MARK2: variants seen among roughly 807,000 people sequenced by gnomAD.
MARK2 encodes the protein serine/threonine-protein kinase MARK2.
In MARK2, 16 loss-of-function variants were observed where a neutral mutation model predicts 89.8. That is an observed-to-expected ratio of 0.18 (90% CI 0.12 to 0.27). The LOEUF (loss-of-function observed/expected upper bound fraction) is 0.27. Ranked by LOEUF, MARK2 falls within the 10% of genes least tolerant of loss-of-function variation. MARK2 has a pLI of 1.00. For synonymous variants in MARK2, 382 were observed against 399.5 expected (o/e 0.96, Z 0.52); for missense variants, 621 against 1,049.9 (o/e 0.59, Z 5.65).
At chr11:63,849,162 C>A (rs562636076) in intron 1 of MARK2, among the ~76,000 whole-genome samples, 17 of 152,288 alleles carry the variant, frequency 1.1e-4, no homozygotes, top group Admixed American at 2.6e-4. Flanking sequence ...CACACCTGGC[C>A]CCCTCAACCT....
intron 1 of MARK2, among the ~76,000 whole-genome samples, chr11:63,890,664 C>G (rs1393348398): frequency 1.3e-5 from 2 of 152,250 alleles, no homozygotes; most frequent in Non-Finnish European, 2.9e-5. Context: ...CAGCCTTCAG[C>G]TGAGCTGTAG....
chr11:63,853,391 C>CT (rs932234966), intron 1 of MARK2, among the ~76,000 whole-genome samples: 3 of 140,160 alleles, frequency 2.1e-5, no homozygotes, highest in African/African-American at 8.0e-5. Context: ...AAGAGCGAAA[C>CT]TAAAAAAAAA....
intron 1 of MARK2, chr11:63,869,155 T>C (rs1188771713): frequency 1.0e-5 from 3 of 288,884 alleles, no homozygotes; most frequent in Non-Finnish European, 2.1e-5. Context: ...TGTGGGGTGG[T>C]GGAAATAAGG....
intron 1 of MARK2, among the ~76,000 whole-genome samples, chr11:63,849,645 C>T (rs948154366): frequency 1.3e-5 from 2 of 152,134 alleles, no homozygotes; most frequent in African/African-American, 2.4e-5. Flanking sequence ...CCCAGCTACT[C>T]GGAAGGCTGA....
At chr11:63,896,868 A>G (rs969377578) in intron 3 of MARK2, among the ~76,000 whole-genome samples, 1 of 152,154 alleles carries the variant, frequency 6.6e-6, no homozygotes, top group African/African-American at 2.4e-5. Flanking sequence ...CTAGCCTGCC[A>G]TCGTAATAAT....
chr11:63,889,337 A>T (rs1175505787), intron 1 of MARK2, among the ~76,000 whole-genome samples: 2 of 152,100 alleles, frequency 1.3e-5, no homozygotes, highest in African/African-American at 4.8e-5. Context: ...TGCCTGGCTT[A>T]CTCTGCTTCT....
In MARK2 at chr11:63,903,265, C is replaced by T. The variant is rs1287834926; in HGVS notation, c.1514+107C>T. On this transcript the variant is annotated intron_variant, in intron 14 of 18. Transcript: ENST00000402010. This position sits in a 1 kb window ranked among gnomAD's most constrained non-coding sequence, Gnocchi z 5.1. ...GTCCCTGCCAGCGCATTGCTCCCTGCTCCCTGGAGTTCCATCCTGGCTGTG... is the reference window on the plus strand; with the variant it reads ...GTCCCTGCCAGCGCATTGCTCCCTGTTCCCTGGAGTTCCATCCTGGCTGTG... 2.3e-6 allele frequency: 2 copies of T among 853,338 alleles called. No individual in the cohort carries two copies. The highest frequency in any genetic ancestry group is 2.5e-5 in the East Asian group (1 of 40,012). The allele number at this position is 853,338 out of a possible 1,614,324, so 52.9% of individuals were successfully genotyped here.
Position 63,909,313 on chromosome 11 carries a change from C to T in MARK2, c.*76C>T, listed in dbSNP as rs912129136. 3 of 1,425,268 alleles carry T rather than the reference C, an allele frequency of 2.1e-6. No homozygotes were observed. The highest frequency in any genetic ancestry group is 1.4e-5 in the South Asian group (1 of 69,734). The allele number at this position is 1,425,268 out of a possible 1,614,324, so 88.3% of individuals were successfully genotyped here. A position where few individuals can be genotyped will look rare whatever the true frequency, so the allele number is the denominator to read the frequency against. On this transcript the variant is annotated 3_prime_UTR_variant, in exon 19 of 19. Coordinates refer to ENST00000402010, the MANE Select transcript of MARK2 (RefSeq NM_001039469.3). ...CGGCCGCTGCGCCGCCCCACCTGGG[C>T]GAGACTGCAGCGATGGATTGGTGTG...
intron 1 of MARK2, among the ~76,000 whole-genome samples, chr11:63,844,953 T>G (rs975518188): frequency 6.6e-6 from 1 of 152,074 alleles, no homozygotes; most frequent in Non-Finnish European, 1.5e-5. Flanking sequence ...ATGTCTAGAG[T>G]GCAGCCAAGC....
intron 2 of MARK2, 53 bp downstream of exon 2, chr11:63,895,391 C>T (rs1940288783): frequency 8.9e-6 from 14 of 1,574,900 alleles, no homozygotes; most frequent in Non-Finnish European, 1.2e-5. Flanking sequence ...GTTGACACTC[C>T]AGCAGGTGGT....
At chr11:63,879,827 G>A (rs527411031) in intron 1 of MARK2, among the ~76,000 whole-genome samples, 4 of 152,140 alleles carry the variant, frequency 2.6e-5, no homozygotes, top group African/African-American at 4.8e-5. Context: ...CTTTGTCCCA[G>A]TATTTTTTTC....
intron 1 of MARK2, among the ~76,000 whole-genome samples, chr11:63,875,113 G>A (rs1315977631): frequency 6.8e-6 from 1 of 147,270 alleles, no homozygotes; most frequent in African/African-American, 2.6e-5. Flanking sequence ...ACCATGCCCA[G>A]CTAATTTTTT....
rs1291485017 is a variant in MARK2, at chr11:63,910,014, C to T, written c.*777C>T. 6.6e-6 allele frequency: 1 copy of T among 152,448 alleles called. No homozygotes were observed. The highest frequency in any genetic ancestry group is 1.5e-5 in the Non-Finnish European group (1 of 68,238). 9.4% of individuals were successfully genotyped at this position (152,448 alleles called of 1,614,324 possible). A position where few individuals can be genotyped will look rare whatever the true frequency, so the allele number is the denominator to read the frequency against. On this transcript the variant is annotated 3_prime_UTR_variant, in exon 19 of 19. Transcript: ENST00000402010. Reference sequence around the variant, plus strand: ...AAGCTGCTGTGGGGACGTGTGTTCCCTCAAAGTCTGTGCCATCTTCTCCCA... The same window carrying T: ...AAGCTGCTGTGGGGACGTGTGTTCCTTCAAAGTCTGTGCCATCTTCTCCCA...
At chr11:63,871,498 T>C (rs539888635) in intron 1 of MARK2, among the ~76,000 whole-genome samples, 3,178 of 146,610 alleles carry the variant, frequency 0.022, 58 homozygotes, top group African/African-American at 0.051. Context: ...GAGTATTCAC[T>C]GTGTGCAGGT....
At chr11:63,861,740 CTT>C (rs531935148) in intron 1 of MARK2, among the ~76,000 whole-genome samples, 9 of 127,080 alleles carry the variant, frequency 7.1e-5, no homozygotes, top group South Asian at 2.5e-4. Context: ...CTCATTTACT[CTT>C]TTTTTTTTTT....
chr11:63,854,465 C>T, intron 1 of MARK2, among the ~76,000 whole-genome samples: 1 of 149,354 alleles, frequency 6.7e-6, no homozygotes, highest in East Asian at 2.0e-4. Flanking sequence ...GATCCACCTG[C>T]CTCAGCCTCC....
intron 1 of MARK2, among the ~76,000 whole-genome samples, chr11:63,866,777 G>T (rs1250687745): frequency 6.6e-6 from 1 of 152,090 alleles, no homozygotes; most frequent in Non-Finnish European, 1.5e-5. Flanking sequence ...CGTCTCACTA[G>T]CTTTTCCCAT....
chr11:63,868,950 C>G (rs1473982725), intron 1 of MARK2: 5 of 446,240 alleles, frequency 1.1e-5, no homozygotes, highest in African/African-American at 8.0e-5. Flanking sequence ...CAGAGCAGAT[C>G]AGTCGCTTTT....
chr11:63,871,865 AG>A (rs1938472372), intron 1 of MARK2, among the ~76,000 whole-genome samples: 1 of 151,440 alleles, frequency 6.6e-6, no homozygotes. Flanking sequence ...CACTGTGTGC[AG>A]GTGTGGGTGA....
Sources: gnomAD v4.1 joint callset for allele counts (sites outside exome capture counted in the v4.1 genomes callset) on GRCh38, gnomAD v4.1.1 for gene constraint, Gnocchi (gnomAD v3.1) non-coding constraint, MANE v1.5 for transcripts, NCBI Gene and HGNC (gene_info 2026-07-23, HGNC 2026-07-21) for gene names.